RAB3C: variants seen among roughly 807,000 people sequenced by gnomAD.
The protein encoded by RAB3C is ras-related protein Rab-3C.
RAB3C carries 17 observed loss-of-function variants against 26.4 expected under a neutral mutation model. The ratio of observed to expected loss-of-function variants is 0.64; its 90% confidence interval spans 0.44 to 0.97. RAB3C has a LOEUF of 0.97. RAB3C is among the 50% of genes least tolerant of loss of function. The pLI is 0.00. For synonymous variants in RAB3C, 91 were observed against 95.9 expected (o/e 0.95, Z 0.30); for missense variants, 242 against 281.9 (o/e 0.86, Z 1.01).
intron 4 of RAB3C, among the ~76,000 whole-genome samples, chr5:58,848,809 A>C (rs192626895): frequency 6.6e-6 from 1 of 152,304 alleles, no homozygotes; most frequent in East Asian, 1.9e-4. Context: ...TGACTTGTTC[A>C]TGGTCCCAAA....
chr5:58,758,846 G>T (rs1363093535), intron 3 of RAB3C, among the ~76,000 whole-genome samples: 5 of 151,936 alleles, frequency 3.3e-5, no homozygotes, highest in Admixed American at 6.6e-5. Context: ...CTGGGTAAAT[G>T]TTCCTTGGAC....
chr5:58,666,211 T>C (rs796126575), intron 2 of RAB3C, among the ~76,000 whole-genome samples: 10 of 152,296 alleles, frequency 6.6e-5, no homozygotes, highest in African/African-American at 1.7e-4. Context: ...CCTCAGGAAA[T>C]TGGCACAACA....
chr5:58,858,050 A>G lies in RAB3C; in HGVS notation c.*6699A>G, dbSNP rs894952156. ...TAGGAAGAAAAACAAGTTATGACTTATTCACTAAAATTGATGCAAGACAGT... is the reference window on the plus strand; with the variant it reads ...TAGGAAGAAAAACAAGTTATGACTTGTTCACTAAAATTGATGCAAGACAGT... On this transcript the variant is annotated 3_prime_UTR_variant, in exon 5 of 5. Transcript: ENST00000282878. 6.6e-6 allele frequency: 1 copy of G among 152,206 alleles called. No individual in the cohort carries two copies. The highest frequency in any genetic ancestry group is 1.5e-5 in the Non-Finnish European group (1 of 68,026). 9.4% of individuals were successfully genotyped at this position (152,206 alleles called of 1,614,324 possible).
intron 4 of RAB3C, among the ~76,000 whole-genome samples, chr5:58,841,611 C>T (rs183127462): frequency 4.6e-5 from 7 of 152,244 alleles, no homozygotes; most frequent in Non-Finnish European, 5.9e-5. Flanking sequence ...GAATTCCTAG[C>T]GGCTCTCCAA....
intron 3 of RAB3C, among the ~76,000 whole-genome samples, chr5:58,811,483 C>T (rs755408674): frequency 9.8e-5 from 12 of 122,696 alleles, no homozygotes; most frequent in African/African-American, 3.1e-4. Flanking sequence ...AGGTAAATGT[C>T]GTGTTGAAAG....
intron 2 of RAB3C, among the ~76,000 whole-genome samples, chr5:58,675,615 C>CTTTTTTTTT (rs1195191076): frequency 6.7e-5 from 6 of 89,380 alleles, no homozygotes; most frequent in Admixed American, 1.2e-4. Context: ...GGCCATTTGT[C>CTTTTTTTTT]TTTTTTTTTT....
chr5:58,826,338 C>T (rs576284633), intron 4 of RAB3C, among the ~76,000 whole-genome samples: 27 of 152,130 alleles, frequency 1.8e-4, no homozygotes, highest in African/African-American at 6.5e-4. Context: ...GTAAAGGGCA[C>T]AGTCATGCAT....
intron 4 of RAB3C, among the ~76,000 whole-genome samples, chr5:58,826,706 C>T (rs1743489966): frequency 6.6e-6 from 1 of 152,114 alleles, no homozygotes; most frequent in Non-Finnish European, 1.5e-5. Flanking sequence ...TTTCTTTCTT[C>T]TTTTTTCTTA....
chr5:58,595,802 G>T (rs1746233786), intron 1 of RAB3C, among the ~76,000 whole-genome samples: 1 of 151,898 alleles, frequency 6.6e-6, no homozygotes, highest in South Asian at 2.1e-4. Context: ...GGTGTTTTTT[G>T]CTGCCAAGAA....
In RAB3C at chr5:58,851,287, C is replaced by A; in HGVS notation, c.620C>A (p.Ala207Asp). ...ESLETDPAIT[A>D]AKQNTRLKET... ...TTGGAGACTGATCCTGCCATCACTG[C>A]TGCAAAGCAGAACACGAGACTCAAG... is the stretch of plus-strand genomic sequence containing the variant. The change falls in exon 5 of 5, where the codon GCT (alanine) becomes GAT (aspartate). Residue 207 changes from alanine (A) to aspartate (D), a missense_variant. By Grantham distance (126) the Ala-to-Asp change is moderately radical. Transcript: ENST00000282878. 1 of 1,613,804 alleles carries A rather than the reference C, an allele frequency of 6.2e-7. No homozygotes were observed. The highest frequency in any genetic ancestry group is 1.1e-5 in the South Asian group (1 of 91,028).
At chr5:58,751,431 CATGGGTCTA>C (rs1221774867) in intron 3 of RAB3C, among the ~76,000 whole-genome samples, 6 of 152,076 alleles carry the variant, frequency 3.9e-5, no homozygotes, top group South Asian at 2.1e-4. Context: ...GAGGAGCAAT[CATGGGTCTA>C]AGTCAGGGAG....
At chr5:58,586,081 C>T (rs1746001724) in intron 1 of RAB3C, among the ~76,000 whole-genome samples, 1 of 151,970 alleles carries the variant, frequency 6.6e-6, no homozygotes, top group Non-Finnish European at 1.5e-5. Context: ...TAGTGCTTTA[C>T]CTGTGCTGAG....
intron 2 of RAB3C, among the ~76,000 whole-genome samples, chr5:58,618,848 G>GC (rs1399873047): frequency 6.6e-6 from 1 of 152,098 alleles, no homozygotes; most frequent in African/African-American, 2.4e-5. Context: ...GTGTTTTCTA[G>GC]CTCCTTCTGA....
At chr5:58,639,568 A>T (rs753123831) in intron 2 of RAB3C, among the ~76,000 whole-genome samples, 1 of 151,964 alleles carries the variant, frequency 6.6e-6, no homozygotes, top group Non-Finnish European at 1.5e-5. Context: ...CAATAATCTC[A>T]TCATGGGGAC....
chr5:58,600,715 A>G (rs977305878), intron 1 of RAB3C, among the ~76,000 whole-genome samples: 2 of 152,082 alleles, frequency 1.3e-5, no homozygotes, highest in Admixed American at 1.3e-4. Flanking sequence ...AACTTTGCTG[A>G]ATTCTTTTAT....
chr5:58,732,083 TA>T (rs927707199), intron 3 of RAB3C, among the ~76,000 whole-genome samples: 37 of 144,766 alleles, frequency 2.6e-4, no homozygotes, highest in African/African-American at 8.7e-4. Flanking sequence ...TTTATTTATT[TA>T]TTTTTTTCTG....
intron 3 of RAB3C, among the ~76,000 whole-genome samples, chr5:58,810,806 A>G (rs1475212129): frequency 6.6e-6 from 1 of 152,316 alleles, no homozygotes; most frequent in Non-Finnish European, 1.5e-5. Flanking sequence ...CATGTTGGCC[A>G]GGCTGGTCTC....
Position 58,756,385 on chromosome 5 carries a change from A to C in RAB3C, c.371+30265A>C, listed in dbSNP as rs557170342. Among the ~76,000 whole-genome samples, 116 of 89,380 alleles carry C rather than the reference A, an allele frequency of 1.3e-3. 1 individual carries two copies. The highest frequency in any genetic ancestry group is 5.9e-3 in the Middle Eastern group (1 of 170). The allele number at this position is 89,380 out of a possible 152,430, so 58.6% of individuals were successfully genotyped here. A position where few individuals can be genotyped will look rare whatever the true frequency, so the allele number is the denominator to read the frequency against. ...TAACATATATATATAACTACTATAT[A>C]ACATATATATATATATATATGTATG... is the stretch of plus-strand genomic sequence containing the variant. On this transcript the variant is annotated intron_variant, in intron 3 of 4. Coordinates refer to ENST00000282878, the MANE Select transcript of RAB3C (RefSeq NM_138453.4).
intron 2 of RAB3C, among the ~76,000 whole-genome samples, chr5:58,682,995 G>A (rs1282244068): frequency 6.6e-6 from 1 of 152,108 alleles, no homozygotes; most frequent in Non-Finnish European, 1.5e-5. Context: ...ATGTTTCCTT[G>A]CCTGAAGTGT....
Sources: allele counts gnomAD v4.1 joint callset (sites outside exome capture counted in the v4.1 genomes callset), GRCh38; gene constraint gnomAD v4.1.1; transcripts MANE v1.5; gene names NCBI Gene and HGNC (gene_info 2026-07-23, HGNC 2026-07-21).